Variants in GRIN2A observed in about 807,000 individuals in gnomAD.
The protein encoded by GRIN2A is glutamate receptor ionotropic, NMDA 2A.
A neutral mutation model predicts 113.4 loss-of-function variants in GRIN2A; 22 were observed. The ratio of observed to expected loss-of-function variants is 0.19; its 90% CI spans 0.14 to 0.28. GRIN2A has a LOEUF of 0.28. GRIN2A is among the 10% of genes least tolerant of loss of function. GRIN2A has a pLI of 1.00. For synonymous variants in GRIN2A, 827 were observed against 738.4 expected, an observed-to-expected ratio of 1.12 and a Z score of -1.94; for missense variants, 1,502 against 1,887.0, an observed-to-expected ratio of 0.80 and a Z score of 3.78.
chr16:9,944,988 A>T (rs1171646734), intron 2 of GRIN2A, among the ~76,000 whole-genome samples: 1 of 152,136 alleles, frequency 6.6e-6, no homozygotes, highest in Non-Finnish European at 1.5e-5. Flanking sequence ...TGAATTTTAC[A>T]TTCTTAGGGG....
At chr16:9,892,405 T>C (rs2043712292) in intron 3 of GRIN2A, among the ~76,000 whole-genome samples, 1 of 152,050 alleles carries the variant, frequency 6.6e-6, no homozygotes, top group African/African-American at 2.4e-5. Flanking sequence ...AAGATAATGG[T>C]GGCTTTGACT....
At chr16:9,854,830 C>A (rs759175271) in intron 4 of GRIN2A, among the ~76,000 whole-genome samples, 1 of 152,270 alleles carries the variant, frequency 6.6e-6, no homozygotes, top group Non-Finnish European at 1.5e-5. Context: ...TTTCCTCCAG[C>A]AGTGCTTCCA....
intron 4 of GRIN2A, among the ~76,000 whole-genome samples, 198 bp from the exon 5 acceptor site, chr16:9,850,159 C>G (rs962863957): frequency 6.6e-6 from 1 of 152,174 alleles, no homozygotes; most frequent in East Asian, 1.9e-4. Flanking sequence ...CCATCCCAGC[C>G]GCCCTCATCC....
chr16:10,050,665 G>A (rs1019450096), intron 2 of GRIN2A, among the ~76,000 whole-genome samples: 4 of 151,958 alleles, frequency 2.6e-5, no homozygotes, highest in East Asian at 1.9e-4. Context: ...ATATTATAAT[G>A]TAATAATAGA....
At chr16:10,104,252 G>C (rs1677377336) in intron 2 of GRIN2A, among the ~76,000 whole-genome samples, 1 of 152,212 alleles carries the variant, frequency 6.6e-6, no homozygotes, top group African/African-American at 2.4e-5. Flanking sequence ...CAAGGTAAAA[G>C]ATTAGAGGAT....
At chr16:10,025,713 G>T (rs755889490) in intron 2 of GRIN2A, among the ~76,000 whole-genome samples, 3 of 152,162 alleles carry the variant, frequency 2.0e-5, no homozygotes, top group Non-Finnish European at 4.4e-5. Flanking sequence ...CCAGAGCGGG[G>T]TCCACTCAAG....
chr16:10,013,062 C>A (rs555160063), intron 2 of GRIN2A, among the ~76,000 whole-genome samples: 9 of 152,170 alleles, frequency 5.9e-5, no homozygotes, highest in South Asian at 2.1e-4. Context: ...GAGATTAATA[C>A]CTGGGAGAGG....
rs187851801 is a variant in GRIN2A, at chr16:9,814,732, C to T, written c.2168+7532G>A. ...ACTAGAAGCACTAATAAAAATGTAC[C>T]TTCTTGGCCGGGTGCGGTGGCTCAG... On this transcript the variant is annotated intron_variant, in intron 10 of 12. Transcript: ENST00000330684. Among the ~76,000 whole-genome samples the T allele has an allele frequency of 5.3e-3, 811 of 152,192 alleles. 5 individuals carry two copies. Among genetic ancestry groups the T allele is most frequent in the Non-Finnish European group, 8.6e-3 (587 of 68,000 alleles).
At chr16:10,023,822 C>T (rs2046769500) in intron 2 of GRIN2A, among the ~76,000 whole-genome samples, 1 of 152,172 alleles carries the variant, frequency 6.6e-6, no homozygotes, top group Non-Finnish European at 1.5e-5. Context: ...CCCCCAATAG[C>T]CCAGGGAGGT....
intron 2 of GRIN2A, among the ~76,000 whole-genome samples, chr16:9,946,882 T>C (rs530380705): frequency 5.8e-4 from 88 of 152,344 alleles, no homozygotes; most frequent in African/African-American, 2.0e-3. Context: ...CAAGTTCTGA[T>C]ATCCATGTTG....
At chr16:9,937,926 T>C (rs766764276) in intron 3 of GRIN2A, 33 bp downstream of exon 3, 2 of 1,479,390 alleles carry the variant, frequency 1.4e-6, no homozygotes, top group South Asian at 1.1e-5. Flanking sequence ...AAAACTCTGA[T>C]CCCACTTTGG....
chr16:9,755,167 T>G lies in GRIN2A; in HGVS notation c.*7982A>C, dbSNP rs766455387. ...GAATTATGAGTGATAATCTCAGTTT[T>G]GTCTTCTTCGTTTCTGCAGACCGCT... On this transcript the variant is annotated 3_prime_UTR_variant, in exon 13 of 13. Coordinates refer to ENST00000330684, the MANE Select transcript of GRIN2A (RefSeq NM_001134407.3). The G allele has an allele frequency of 1.4e-4, 27 of 193,298 alleles. No individual in the cohort carries two copies. Among genetic ancestry groups the G allele is most frequent in the Admixed American group, 2.4e-4 (4 of 16,354 alleles). 12.0% of individuals were successfully genotyped at this position (193,298 alleles called of 1,614,324 possible).
chr16:9,929,530 G>C (rs1314456527), intron 3 of GRIN2A, among the ~76,000 whole-genome samples: 2 of 152,116 alleles, frequency 1.3e-5, no homozygotes, highest in African/African-American at 4.8e-5. Flanking sequence ...AGCTATTACT[G>C]TAATGCAAGT....
chr16:10,011,367 G>A (rs1465206249), intron 2 of GRIN2A, among the ~76,000 whole-genome samples: 6 of 152,182 alleles, frequency 3.9e-5, no homozygotes, highest in Non-Finnish European at 7.4e-5. Flanking sequence ...GACATTGCAA[G>A]TAAAAAGTTA....
At chr16:9,884,234 C>T (rs528139276) in intron 4 of GRIN2A, among the ~76,000 whole-genome samples, 106 of 152,210 alleles carry the variant, frequency 7.0e-4, no homozygotes, top group African/African-American at 2.4e-3. Flanking sequence ...TATGCATAAA[C>T]ACACATATAT....
chr16:10,128,339 C>T (rs939010891), intron 2 of GRIN2A, among the ~76,000 whole-genome samples: 1 of 152,200 alleles, frequency 6.6e-6, no homozygotes, highest in Admixed American at 6.5e-5. Context: ...AGCCCTCAAT[C>T]TTCCAAGTGA....
At position 9,783,581 on chromosome 16, in the gene GRIN2A, C is replaced by T. The variant is rs576391302; in HGVS notation, c.2357-14492G>A. 4.3e-4 allele frequency among the ~76,000 whole-genome samples: 66 copies of T among 152,276 alleles called. No homozygotes were observed. The Middle Eastern group carries it at 0.01, about 24-fold the overall frequency. On this transcript the variant is annotated intron_variant, in intron 11 of 12. Transcript: ENST00000330684. ...TTATTGTGGTTGGCATGTGGACTAACGCTTAGAAGTGCCAAACCATTTATG... is the reference window on the plus strand; with the variant it reads ...TTATTGTGGTTGGCATGTGGACTAATGCTTAGAAGTGCCAAACCATTTATG...
chr16:9,778,113 C>T (rs1263901670), intron 11 of GRIN2A, among the ~76,000 whole-genome samples: 1 of 152,120 alleles, frequency 6.6e-6, no homozygotes, highest in Admixed American at 6.6e-5. Flanking sequence ...AGCTTCCCAA[C>T]CAGTGTCTCT....
At chr16:10,164,545 G>C (rs2049871491) in intron 2 of GRIN2A, among the ~76,000 whole-genome samples, 1 of 152,200 alleles carries the variant, frequency 6.6e-6, no homozygotes, top group African/African-American at 2.4e-5. Flanking sequence ...GGGTCCCACA[G>C]AATGATTTTC....
Sources: allele counts gnomAD v4.1 joint callset (sites outside exome capture counted in the v4.1 genomes callset), GRCh38; gene constraint gnomAD v4.1.1; transcripts MANE v1.5; gene names NCBI Gene and HGNC (gene_info 2026-07-23, HGNC 2026-07-21).